The following ARHGAP39 variants were observed in gnomAD, a reference collection of about 807,000 sequenced individuals.
ARHGAP39 encodes the protein rho GTPase-activating protein 39.
A neutral mutation model predicts 106.9 loss-of-function variants in ARHGAP39; 44 were observed. The observed-to-expected ratio is 0.41, with a 90% CI of 0.32 to 0.53. The LOEUF (loss-of-function observed/expected upper bound fraction) is 0.53. ARHGAP39 is among the 20% of genes least tolerant of loss of function. The probability of loss-of-function intolerance (pLI) is 0.21; values close to 1 mark genes in which losing one functional copy is unlikely to be tolerated. For synonymous variants in ARHGAP39, 768 were observed against 693.2 expected (o/e 1.11, Z -1.69); for missense variants, 1,496 against 1,577.3 (o/e 0.95, Z 0.87).
intron 1 of ARHGAP39, among the ~76,000 whole-genome samples, chr8:144,606,434 C>T (rs1306342005): frequency 6.6e-6 from 1 of 152,244 alleles, no homozygotes; most frequent in African/African-American, 2.4e-5. Context: ...CACGTAATGA[C>T]AGTAAATATG....
At chr8:144,663,028 T>C (rs1821873608) in intron 1 of ARHGAP39, among the ~76,000 whole-genome samples, 1 of 132,276 alleles carries the variant, frequency 7.6e-6, no homozygotes, top group Admixed American at 7.7e-5. Context: ...GGGCCGCTCC[T>C]CACCTCCCCA....
chr8:144,657,629 G>A (rs1192562576), intron 1 of ARHGAP39, among the ~76,000 whole-genome samples: 1 of 152,072 alleles, frequency 6.6e-6, no homozygotes, highest in Non-Finnish European at 1.5e-5. Flanking sequence ...AGCAATAAAG[G>A]ATAACACAAT....
At chr8:144,532,196 T>A in intron 10 of ARHGAP39, 109 bp downstream of exon 10, 1 of 886,392 alleles carries the variant, frequency 1.1e-6, no homozygotes, top group African/African-American at 1.7e-5. Flanking sequence ...TGGGAAGCCA[T>A]CACATCACTG....
chr8:144,675,876 T>C (rs541815716), intron 1 of ARHGAP39, among the ~76,000 whole-genome samples: 1 of 152,306 alleles, frequency 6.6e-6, no homozygotes, highest in Non-Finnish European at 1.5e-5. Flanking sequence ...GTTCGTGGTC[T>C]TCCTGGCTTC....
At chr8:144,622,908 G>T (rs114317734) in intron 1 of ARHGAP39, among the ~76,000 whole-genome samples, 1 of 152,202 alleles carries the variant, frequency 6.6e-6, no homozygotes, top group East Asian at 1.9e-4. Context: ...AGTTACTGCC[G>T]GGGGACGCCC....
At chr8:144,603,676 C>T (rs1820167977) in intron 2 of ARHGAP39, among the ~76,000 whole-genome samples, 2 of 141,506 alleles carry the variant, frequency 1.4e-5, no homozygotes, top group African/African-American at 2.7e-5. Context: ...GGCGACAAAG[C>T]GAGACTCCAT....
intron 3 of ARHGAP39, among the ~76,000 whole-genome samples, chr8:144,559,244 GGT>G (rs1418121396): frequency 2.7e-5 from 4 of 150,478 alleles, no homozygotes; most frequent in Non-Finnish European, 5.9e-5. Context: ...TAGCCGGAAG[GGT>G]GACACATGCC....
chr8:144,620,475 C>T (rs1329876201), intron 1 of ARHGAP39, among the ~76,000 whole-genome samples: 2 of 141,186 alleles, frequency 1.4e-5, no homozygotes, highest in African/African-American at 5.6e-5. Context: ...GCGTGTGTGC[C>T]CGTGTCTGTT....
chr8:144,612,859 AAAG>A (rs1480771423), intron 1 of ARHGAP39, among the ~76,000 whole-genome samples: 2 of 152,300 alleles, frequency 1.3e-5, no homozygotes, highest in African/African-American at 4.8e-5. Flanking sequence ...TCTCAAAAAA[AAAG>A]GTTTATTTTA....
chr8:144,600,806 C>T (rs552879699), intron 2 of ARHGAP39, among the ~76,000 whole-genome samples: 2 of 147,090 alleles, frequency 1.4e-5, no homozygotes, highest in East Asian at 2.1e-4. Flanking sequence ...CATCTACCTA[C>T]CTGCGCGTGT....
chr8:144,547,678 C>T lies in ARHGAP39; in HGVS notation c.1408G>A (p.Glu470Lys). ...QPPTPLPQAQ[E>K]DAMSWSSQQD... The stretch of plus-strand genomic sequence containing the variant: ...TGGCTGGACCAGGACATGGCATCCT[C>T]CTGGGCCTGTGGCAGCGGCGTGGGC... Residue 470 changes from glutamate to lysine, a missense_variant, in exon 5 of 12, where the codon GAG (glutamate) becomes AAG (lysine). Coordinates refer to ENST00000377307, the MANE Select transcript of ARHGAP39 (RefSeq NM_025251.3). The surrounding 1 kb of genome is among the most constrained non-coding windows in gnomAD (Gnocchi z 5.2). 1 of 1,573,800 alleles carries T rather than the reference C, an allele frequency of 6.4e-7. No individual in the cohort carries two copies. Among genetic ancestry groups the T allele is most frequent in the East Asian group, 2.3e-5 (1 of 43,476 alleles).
intron 1 of ARHGAP39, among the ~76,000 whole-genome samples, chr8:144,608,972 T>A (rs2130951712): frequency 6.6e-6 from 1 of 152,386 alleles, no homozygotes; most frequent in East Asian, 1.9e-4. Flanking sequence ...TATTATGTTT[T>A]CTGCAGAGAT....
At chr8:144,619,696 G>A (rs539560289) in intron 1 of ARHGAP39, among the ~76,000 whole-genome samples, 2 of 151,538 alleles carry the variant, frequency 1.3e-5, no homozygotes, top group East Asian at 3.9e-4. Context: ...GTGCATGAGA[G>A]CTTGTGTGTC....
chr8:144,597,095 A>G (rs969934175), intron 2 of ARHGAP39, among the ~76,000 whole-genome samples: 2 of 152,222 alleles, frequency 1.3e-5, no homozygotes, highest in African/African-American at 4.8e-5. Flanking sequence ...ATCTGTGCCC[A>G]AGGAGACAGA....
intron 1 of ARHGAP39, among the ~76,000 whole-genome samples, chr8:144,618,780 C>T (rs1381507284): frequency 6.6e-6 from 1 of 152,246 alleles, no homozygotes; most frequent in African/African-American, 2.4e-5. Context: ...GGGAGCAAGT[C>T]CTGCTGGGGC....
rs1429614332 is a variant in ARHGAP39, at chr8:144,685,838, C to G, written c.-234G>C. On this transcript the variant is annotated 5_prime_UTR_variant, in exon 1 of 12. Coordinates refer to ENST00000377307, the MANE Select transcript of ARHGAP39 (RefSeq NM_025251.3). Reference sequence around the variant, plus strand: ...GGCGTCCTCCGCCGCCGCCGCCGGCCCAGTGCGCGGCGGCCGCGCGTCCTC... The same window carrying G: ...GGCGTCCTCCGCCGCCGCCGCCGGCGCAGTGCGCGGCGGCCGCGCGTCCTC... Among the ~76,000 whole-genome samples, 1 of 148,204 alleles carries G rather than the reference C, an allele frequency of 6.7e-6. No homozygotes were observed. The highest frequency in any genetic ancestry group is 1.5e-5 in the Non-Finnish European group (1 of 66,486).
intron 1 of ARHGAP39, among the ~76,000 whole-genome samples, chr8:144,632,615 A>T (rs970898331): frequency 1.3e-5 from 2 of 152,084 alleles, no homozygotes; most frequent in Admixed American, 1.3e-4. Flanking sequence ...CAGTTGCCTC[A>T]CCCAGACAGG....
upstream of ARHGAP39, among the ~76,000 whole-genome samples, chr8:144,687,093 CCACA>C (rs1254023715): frequency 2.0e-5 from 1 of 50,810 alleles, no homozygotes; most frequent in Non-Finnish European, 3.5e-5. Context: ...CACCCCGTGA[CCACA>C]CACTGGCGGC....
intron 4 of ARHGAP39, among the ~76,000 whole-genome samples, chr8:144,550,143 G>T (rs1265942901): frequency 6.6e-6 from 1 of 151,996 alleles, no homozygotes; most frequent in East Asian, 1.9e-4. Flanking sequence ...ACATGGTGGT[G>T]TGCTCCTGTA....
Sources: gnomAD v4.1 joint callset for allele counts (sites outside exome capture counted in the v4.1 genomes callset) on GRCh38, gnomAD v4.1.1 for gene constraint, Gnocchi (gnomAD v3.1) non-coding constraint, MANE v1.5 for transcripts, NCBI Gene and HGNC (gene_info 2026-07-23, HGNC 2026-07-21) for gene names.